AKAP9: variants seen among roughly 807,000 people sequenced by gnomAD.
AKAP9 encodes the protein A-kinase anchoring protein 9.
In AKAP9, 311 loss-of-function variants were observed where a neutral mutation model predicts 488.5. The observed-to-expected ratio is 0.64, with a 90% CI of 0.58 to 0.70. The LOEUF (loss-of-function observed/expected upper bound fraction) is 0.70, where lower values mean the gene tolerates loss of function less well. Ranked by LOEUF, AKAP9 falls within the 30% of genes least tolerant of loss-of-function variation. The pLI, the probability that AKAP9 is intolerant of heterozygous loss-of-function variation, is 0.00. For synonymous variants in AKAP9, 1,462 were observed against 1,483.5 expected (o/e 0.99, Z 0.33); for missense variants, 4,215 against 4,374.5 (o/e 0.96, Z 1.03).
intron 12 of AKAP9, among the ~76,000 whole-genome samples, chr7:92,018,723 A>C (rs1453229944): frequency 6.6e-6 from 1 of 152,100 alleles, no homozygotes; most frequent in East Asian, 1.9e-4. Context: ...TTTGGACTTT[A>C]CCTACCCTGT....
intron 22 of AKAP9, among the ~76,000 whole-genome samples, chr7:92,055,081 C>T (rs1808557518): frequency 6.6e-6 from 1 of 151,880 alleles, no homozygotes; most frequent in South Asian, 2.1e-4. Context: ...AGGTTATTTA[C>T]CAAGAGATTC....
At position 92,029,933 on chromosome 7, in the gene AKAP9, C is replaced by T; in HGVS notation, c.4187C>T (p.Ala1396Val). The change falls in exon 15 of 50, where the codon GCA becomes GTA. Residue 1396 changes from alanine to valine, a missense_variant. By Grantham distance (64) the Ala-to-Val change is moderately conservative (BLOSUM62 0). Coordinates refer to ENST00000356239, the MANE Select transcript of AKAP9 (RefSeq NM_005751.5). Reference sequence around the variant, plus strand: ...TCGGTGGTAATTACAGAATCTGATGCACAGAGAACAATGTACCCTGGAAGT... The same window carrying T: ...TCGGTGGTAATTACAGAATCTGATGTACAGAGAACAATGTACCCTGGAAGT... ...VDSVVITESD[A>V]QRTMYPGSCV... is the part of the protein sequence containing the mutation. 6.2e-7 allele frequency: 1 copy of T among 1,612,988 alleles called. No individual in the cohort carries two copies. The highest frequency in any genetic ancestry group is 1.1e-5 in the South Asian group (1 of 91,040).
rs751090118 is a variant in AKAP9 at position 92,082,652 on chromosome 7, A to G, written c.8150A>G (p.Glu2717Gly). The change falls in exon 32 of 50, where the codon GAA becomes GGA. Residue 2717 changes from glutamate to glycine, a missense_variant. Glu to Gly is a moderately conservative substitution (Grantham distance 98). Around this residue, in one of 5 missense-constraint regions of AKAP9, gnomAD observed 1,476 missense variants for 1,477.4 expected, o/e 1.00. Transcript: ENST00000356239. The stretch of plus-strand genomic sequence containing the variant: ...AAAGAAAAGGCTGAAAAACTTCAAG[A>G]AGAGCTTTTGGTAAGATAAGTAACA... ...SYKEKAEKLQ[E>G]ELLVKETNMT... The G allele has an allele frequency of 6.8e-6, 11 of 1,613,838 alleles. No homozygotes were observed. In the Admixed American group the frequency reaches 1.7e-4, roughly 24 times the overall value.
intron 1 of AKAP9, among the ~76,000 whole-genome samples, chr7:91,969,168 A>T (rs1430122977): frequency 3.9e-5 from 6 of 152,030 alleles, no homozygotes; most frequent in Non-Finnish European, 7.4e-5. Flanking sequence ...GGGATTACAG[A>T]CATGAGCCAC....
rs1353254249 is a variant in AKAP9, at chr7:92,077,735, G to A, written c.6805G>A (p.Asp2269Asn). ...EKLGLAIKES[D>N]AMSTQDQHVL... is the part of the protein sequence containing the mutation. ...ACTGGGACTTGCCATAAAGGAATCTGATGCCATGTCTACTCAAGACCAACA... is the reference window on the plus strand; with the variant it reads ...ACTGGGACTTGCCATAAAGGAATCTAATGCCATGTCTACTCAAGACCAACA... The change falls in exon 30 of 50, where the codon GAT becomes AAT. Residue 2269 changes from aspartate (D) to asparagine (N), a missense_variant. Asp to Asn is a conservative substitution (Grantham distance 23). Transcript: ENST00000356239. 1 of 1,613,776 alleles carries A rather than the reference G, an allele frequency of 6.2e-7. No individual in the cohort carries two copies. Among genetic ancestry groups the A allele is most frequent in the Admixed American group, 1.7e-5 (1 of 60,012 alleles).
chr7:92,094,345 A>G (rs927619040), intron 39 of AKAP9, among the ~76,000 whole-genome samples: 1 of 151,662 alleles, frequency 6.6e-6, no homozygotes, highest in Non-Finnish European at 1.5e-5. Context: ...CAGCCTGGCC[A>G]ACATGGTGAA....
intron 32 of AKAP9, 50 bp from the exon 33 acceptor site, chr7:92,083,120 A>C (rs1813881464): frequency 2.5e-6 from 4 of 1,591,040 alleles, no homozygotes; most frequent in Non-Finnish European, 3.4e-6. Flanking sequence ...TACATTTAAT[A>C]TGGGAAGATT....
chr7:92,062,531 T>C lies in AKAP9; in HGVS notation c.5977+45T>C, dbSNP rs377244592. On this transcript the variant is annotated intron_variant, in intron 24 of 49. Coordinates refer to ENST00000356239, the MANE Select transcript of AKAP9 (RefSeq NM_005751.5). The stretch of plus-strand genomic sequence containing the variant: ...GTATGAAACAGTCCTCTGATTTTAT[T>C]TGTATTCTTCAAAGGCTTAAGGTGG... The C allele has an allele frequency of 2.1e-5, 32 of 1,554,766 alleles. No homozygotes were observed. In the African/African-American group the frequency reaches 3.4e-4, roughly 16 times the overall value.
At chr7:92,005,046 CA>C (rs2011548748) in intron 8 of AKAP9, among the ~76,000 whole-genome samples, 1 of 152,062 alleles carries the variant, frequency 6.6e-6, no homozygotes, top group Admixed American at 6.6e-5. Context: ...GAATTTTGTC[CA>C]AGGCCTTTTC....
intron 15 of AKAP9, among the ~76,000 whole-genome samples, chr7:92,030,240 T>C (rs1803993959): frequency 6.6e-6 from 1 of 152,198 alleles, no homozygotes; most frequent in South Asian, 2.1e-4. Context: ...TAGTTTAAGA[T>C]TTATCTTGTT....
At chr7:92,086,455 A>G in intron 37 of AKAP9, 39 bp downstream of exon 37, 1 of 1,500,238 alleles carries the variant, frequency 6.7e-7, no homozygotes, top group Non-Finnish European at 9.3e-7. Flanking sequence ...TTTAATAGAA[A>G]TAAGGAAATG....
chr7:91,995,829 C>G, intron 7 of AKAP9, 29 bp downstream of exon 7: 1 of 1,529,484 alleles, frequency 6.5e-7, no homozygotes, highest in Admixed American at 1.8e-5. Context: ...AGTCAGCTAA[C>G]TTGTAGAAGC....
intron 10 of AKAP9, among the ~76,000 whole-genome samples, chr7:92,014,956 C>A (rs1801305499): frequency 1.3e-5 from 2 of 152,058 alleles, no homozygotes; most frequent in African/African-American, 4.8e-5. Flanking sequence ...ACTAAGATGG[C>A]ACCCATCTTT....
intron 9 of AKAP9, among the ~76,000 whole-genome samples, chr7:92,013,957 T>C (rs1350706441): frequency 1.3e-5 from 2 of 152,148 alleles, no homozygotes; most frequent in African/African-American, 4.8e-5. Flanking sequence ...ATTTCTGAGA[T>C]TTTTATTTCA....
intron 1 of AKAP9, among the ~76,000 whole-genome samples, chr7:91,973,039 C>G (rs1222069508): frequency 2.0e-5 from 3 of 152,034 alleles, no homozygotes; most frequent in African/African-American, 7.2e-5. Flanking sequence ...ATGTAGTGCT[C>G]TGTGTGTGCA....
At chr7:92,049,821 T>A (rs1486834176) in intron 21 of AKAP9, among the ~76,000 whole-genome samples, 2 of 152,092 alleles carry the variant, frequency 1.3e-5, no homozygotes, top group Non-Finnish European at 2.9e-5. Context: ...TAATGTCTAT[T>A]TTTAAAAATT....
chr7:92,046,771 CT>C (rs1284025759), intron 21 of AKAP9, among the ~76,000 whole-genome samples: 1 of 152,116 alleles, frequency 6.6e-6, no homozygotes, highest in Non-Finnish European at 1.5e-5. Flanking sequence ...TCAAATTATG[CT>C]TTTTAAAAAA....
intron 23 of AKAP9, among the ~76,000 whole-genome samples, chr7:92,061,667 A>G (rs1164203270): frequency 6.7e-6 from 1 of 148,632 alleles, no homozygotes; most frequent in African/African-American, 2.5e-5. Context: ...ATAATTTCAG[A>G]AAATACCAAA....
Position 92,016,666 on chromosome 7 carries a change from C to T in AKAP9, c.3752-351C>T, listed in dbSNP as rs529373376. Among the ~76,000 whole-genome samples, 5 of 152,014 alleles carry T rather than the reference C, an allele frequency of 3.3e-5. No individual in the cohort carries two copies. In the East Asian group the frequency reaches 7.7e-4, roughly 23 times the overall value. Reference sequence around the variant, plus strand: ...AAATAAAAAATATATTAGTATCTTTCTTAATATAGATCTGCTATAAGTTTG... The same window carrying T: ...AAATAAAAAATATATTAGTATCTTTTTTAATATAGATCTGCTATAAGTTTG... On this transcript the variant is annotated intron_variant, in intron 11 of 49. Transcript: ENST00000356239.
Sources: gnomAD v4.1 joint callset for allele counts (sites outside exome capture counted in the v4.1 genomes callset) on GRCh38, gnomAD v4.1.1 for gene constraint, gnomAD v4.1.1 regional missense constraint, MANE v1.5 for transcripts, NCBI Gene and HGNC (gene_info 2026-07-23, HGNC 2026-07-21) for gene names.